The following ACVR2B variants were observed in gnomAD, a reference collection of about 807,000 sequenced individuals.
ACVR2B encodes activin A receptor type 2B, also known as activin receptor type-2B.
A neutral mutation model predicts 65.1 loss-of-function variants in ACVR2B; 18 were observed. The observed-to-expected ratio is 0.28, with a 90% CI of 0.19 to 0.41. ACVR2B has a LOEUF of 0.41. Ranked by LOEUF, ACVR2B falls within the 10% of genes least tolerant of loss-of-function variation. The pLI, the probability that ACVR2B is intolerant of heterozygous loss-of-function variation, is 1.00. For synonymous variants in ACVR2B, 298 were observed against 277.7 expected, an observed-to-expected ratio of 1.07 and a Z score of -0.73; for missense variants, 482 against 682.7, an observed-to-expected ratio of 0.71 and a Z score of 3.28.
intron 1 of ACVR2B, 71 bp downstream of exon 1, chr3:38,454,445 T>C: frequency 2.5e-6 from 3 of 1,193,162 alleles, no homozygotes; most frequent in Non-Finnish European, 3.1e-6. Flanking sequence ...GCGCGGTGTT[T>C]ACCAACAAAG....
At chr3:38,472,105 T>C (rs1406313844) in intron 1 of ACVR2B, among the ~76,000 whole-genome samples, 1 of 152,206 alleles carries the variant, frequency 6.6e-6, no homozygotes, top group Non-Finnish European at 1.5e-5. Flanking sequence ...TCAGTGTCTT[T>C]ATCTGTTATA....
At chr3:38,478,325 T>G in intron 4 of ACVR2B, 33 bp downstream of exon 4, 1 of 1,614,042 alleles carries the variant, frequency 6.2e-7, no homozygotes. Context: ...CAGGGCAGGA[T>G]AGAGGTGGGG....
intron 1 of ACVR2B, among the ~76,000 whole-genome samples, chr3:38,463,976 C>T (rs1341275205): frequency 6.6e-6 from 1 of 152,186 alleles, no homozygotes; most frequent in Non-Finnish European, 1.5e-5. Context: ...TATAAAGATA[C>T]CAGTCCTGTT....
intron 1 of ACVR2B, among the ~76,000 whole-genome samples, chr3:38,455,415 G>T (rs1296203034): frequency 6.6e-6 from 1 of 152,148 alleles, no homozygotes; most frequent in Non-Finnish European, 1.5e-5. Flanking sequence ...ATGCAGCGCG[G>T]GTCCCCCGCC....
At position 38,481,202 on chromosome 3, in the gene ACVR2B, G is replaced by A. The variant is rs1160775086; in HGVS notation, c.960-149G>A. ...CCCATGTCGGCGCCTGCAGCTGCCTGCTTGTGCTGCTTCACCTCTGCACCC... is the reference window on the plus strand; with the variant it reads ...CCCATGTCGGCGCCTGCAGCTGCCTACTTGTGCTGCTTCACCTCTGCACCC... On this transcript the variant is annotated intron_variant, in intron 7 of 10. Transcript: ENST00000352511. The surrounding 1 kb of genome is among the most constrained non-coding windows in gnomAD (Gnocchi z 4.7). 4.0e-6 allele frequency: 3 copies of A among 740,778 alleles called. No homozygotes were observed. The highest frequency in any genetic ancestry group is 7.4e-6 in the Non-Finnish European group (3 of 406,654). The allele number at this position is 740,778 out of a possible 1,614,324, so 45.9% of individuals were successfully genotyped here.
chr3:38,478,485 T>C lies in ACVR2B; in HGVS notation c.633T>C (p.Asn211=). The change falls in exon 5 of 11, where the codon AAT becomes AAC. Residue 211 remains asparagine (N), a synonymous_variant. Coordinates refer to ENST00000352511, the MANE Select transcript of ACVR2B (RefSeq NM_001106.4). ...GTGTCTGGAAGGCCCAGCTCATGAATGACTTTGTAGCTGTCAAGATCTTCC... is the reference window on the plus strand; with the variant it reads ...GTGTCTGGAAGGCCCAGCTCATGAACGACTTTGTAGCTGTCAAGATCTTCC... ...FGCVWKAQLM[N]DFVAVKIFPL... The C allele has an allele frequency of 6.2e-7, 1 of 1,614,136 alleles. No homozygotes were observed. The highest frequency in any genetic ancestry group is 1.1e-5 in the South Asian group (1 of 91,082).
intron 1 of ACVR2B, among the ~76,000 whole-genome samples, chr3:38,465,975 A>G (rs951218052): frequency 6.6e-6 from 1 of 152,276 alleles, no homozygotes; most frequent in Non-Finnish European, 1.5e-5. Context: ...CTCAATAGAA[A>G]CAGTGGAAGC....
chr3:38,468,379 G>T (rs1313301339), intron 1 of ACVR2B, among the ~76,000 whole-genome samples: 2 of 152,140 alleles, frequency 1.3e-5, no homozygotes, highest in Non-Finnish European at 2.9e-5. Flanking sequence ...AGTCAAGGGG[G>T]TTGAGAACTA....
Position 38,489,452 on chromosome 3 carries a change from A to G in ACVR2B, c.*6120A>G, listed in dbSNP as rs546278029. 1 of 152,708 alleles carries G rather than the reference A, an allele frequency of 6.5e-6. No homozygotes were observed. Among genetic ancestry groups the G allele is most frequent in the South Asian group, 2.1e-4 (1 of 4,824 alleles). The allele number at this position is 152,708 out of a possible 1,614,324, so 9.5% of individuals were successfully genotyped here. On this transcript the variant is annotated 3_prime_UTR_variant, in exon 11 of 11. Coordinates refer to ENST00000352511, the MANE Select transcript of ACVR2B (RefSeq NM_001106.4). ...GAACTTTTACTTAGTGTTTATATGGATTCTTGTGATACACTGGCAGACTGG... is the reference window on the plus strand; with the variant it reads ...GAACTTTTACTTAGTGTTTATATGGGTTCTTGTGATACACTGGCAGACTGG...
In ACVR2B at chr3:38,489,869, A is replaced by G. The variant is rs1430190905; in HGVS notation, c.*6537A>G. ...ATTACCCAGTTAAGTAATTGTTCAG[A>G]AAAGTGGGGAGGGTGGCATGTGGAT... On this transcript the variant is annotated 3_prime_UTR_variant, in exon 11 of 11. Transcript: ENST00000352511. 1 of 152,204 alleles carries G rather than the reference A, an allele frequency of 6.6e-6. No individual in the cohort carries two copies. Among genetic ancestry groups the G allele is most frequent in the Non-Finnish European group, 1.5e-5 (1 of 68,034 alleles). The allele number at this position is 152,204 out of a possible 1,614,324, so 9.4% of individuals were successfully genotyped here. A position where few individuals can be genotyped will look rare whatever the true frequency, so the allele number is the denominator to read the frequency against.
chr3:38,492,796 ACACACACATACACCT>A lies in ACVR2B; in HGVS notation c.*9465_*9479del, dbSNP rs2059822775. On this transcript the variant is annotated 3_prime_UTR_variant, in exon 11 of 11. Coordinates refer to ENST00000352511, the MANE Select transcript of ACVR2B (RefSeq NM_001106.4). ...CACACACACACACACACACACACAC[ACACACACATACACCT>A]AAAATGGCCTAAAGCAGACATCCAT... 1 of 71,720 alleles carries A rather than the reference ACACACACATACACCT, an allele frequency of 1.4e-5. No individual in the cohort carries two copies. The allele number at this position is 71,720 out of a possible 1,614,324, so 4.4% of individuals were successfully genotyped here.
At chr3:38,465,406 A>G (rs1709711900) in intron 1 of ACVR2B, among the ~76,000 whole-genome samples, 1 of 151,946 alleles carries the variant, frequency 6.6e-6, no homozygotes, top group Admixed American at 6.6e-5. Flanking sequence ...TCAAAAAAAA[A>G]AAAAAAAAAA....
Position 38,454,134 on chromosome 3 carries a change from C to T in ACVR2B, c.-189C>T. On this transcript the variant is annotated 5_prime_UTR_variant, in exon 1 of 11. Coordinates refer to ENST00000352511, the MANE Select transcript of ACVR2B (RefSeq NM_001106.4). The stretch of plus-strand genomic sequence containing the variant: ...GCGCCGCCCGCAGCGGCCCTGAGCC[C>T]GGCCCCGCCGACCGGCCCTTGGAGC... 4.0e-6 allele frequency: 1 copy of T among 250,912 alleles called. No individual in the cohort carries two copies. Among genetic ancestry groups the T allele is most frequent in the Non-Finnish European group, 6.6e-6 (1 of 151,264 alleles). 15.5% of individuals were successfully genotyped at this position (250,912 alleles called of 1,614,324 possible). A position where few individuals can be genotyped will look rare whatever the true frequency, so the allele number is the denominator to read the frequency against.
rs1176114858 is a variant in ACVR2B, at chr3:38,484,690, C to T, written c.*1358C>T. ...TTTTTTCAAACAAAACACACACATC[C>T]ACATATACACATGCTTCGCTATGTG... On this transcript the variant is annotated 3_prime_UTR_variant, in exon 11 of 11. Coordinates refer to ENST00000352511, the MANE Select transcript of ACVR2B (RefSeq NM_001106.4). The T allele has an allele frequency of 6.6e-6, 1 of 152,534 alleles. No individual in the cohort carries two copies. The highest frequency in any genetic ancestry group is 1.5e-5 in the Non-Finnish European group (1 of 68,026). 9.4% of individuals were successfully genotyped at this position (152,534 alleles called of 1,614,324 possible).
intron 1 of ACVR2B, among the ~76,000 whole-genome samples, chr3:38,460,201 A>G (rs531096326): frequency 6.6e-6 from 1 of 152,134 alleles, no homozygotes; most frequent in East Asian, 1.9e-4. Flanking sequence ...CTCCGGTTCT[A>G]TCACTAATTC....
Position 38,460,398 on chromosome 3 carries a change from C to A in ACVR2B, c.52+6024C>A, listed in dbSNP as rs528333439. Among the ~76,000 whole-genome samples, 7 of 152,296 alleles carry A rather than the reference C, an allele frequency of 4.6e-5. No individual in the cohort carries two copies. The South Asian group carries it at 1.5e-3, about 32-fold the overall frequency. On this transcript the variant is annotated intron_variant, in intron 1 of 10. Coordinates refer to ENST00000352511, the MANE Select transcript of ACVR2B (RefSeq NM_001106.4). ...CTGCTGCCTTCTTCTGACTCTATTA[C>A]ATTGCTCAGTGATGTCTCTGACTAA...
chr3:38,479,195 T>C lies in ACVR2B; in HGVS notation c.734T>C (p.Leu245Pro). 6.2e-7 allele frequency: 1 copy of C among 1,614,194 alleles called. No homozygotes were observed. The highest frequency in any genetic ancestry group is 8.5e-7 in the Non-Finnish European group (1 of 1,180,030). Residue 245 changes from leucine (L) to proline (P), a missense_variant, in exon 6 of 11, where the codon CTA becomes CCA. Leu to Pro is a moderately conservative substitution (Grantham distance 98, BLOSUM62 -3). This residue lies in a region of ACVR2B where 223 missense variants were observed against 386.3 expected (regional missense o/e 0.58). Coordinates refer to ENST00000352511, the MANE Select transcript of ACVR2B (RefSeq NM_001106.4). ...CCTGGCATGAAGCACGAGAACCTGC[T>C]ACAGTTCATTGCTGCCGAGAAGCGA... Reference protein sequence around the residue: ...STPGMKHENLLQFIAAEKRGS... With the variant: ...STPGMKHENLPQFIAAEKRGS...
chr3:38,492,823 A>C lies in ACVR2B; in HGVS notation c.*9491A>C, dbSNP rs2125734593. 6.6e-6 allele frequency: 1 copy of C among 151,118 alleles called. No homozygotes were observed. Among genetic ancestry groups the C allele is most frequent in the Non-Finnish European group, 1.5e-5 (1 of 67,790 alleles). The allele number at this position is 151,118 out of a possible 1,614,324, so 9.4% of individuals were successfully genotyped here. Reference sequence around the variant, plus strand: ...ACACACATACACCTAAAATGGCCTAAAGCAGACATCCATGTAATTACAGTT... The same window carrying C: ...ACACACATACACCTAAAATGGCCTACAGCAGACATCCATGTAATTACAGTT... On this transcript the variant is annotated 3_prime_UTR_variant, in exon 11 of 11. Transcript: ENST00000352511.
rs889020586 is a variant in ACVR2B at position 38,488,572 on chromosome 3, A to C, written c.*5240A>C. The C allele has an allele frequency of 9.9e-5, 15 of 152,190 alleles. No homozygotes were observed. The highest frequency in any genetic ancestry group is 1.6e-4 in the Non-Finnish European group (11 of 68,030). 9.4% of individuals were successfully genotyped at this position (152,190 alleles called of 1,614,324 possible). A position where few individuals can be genotyped will look rare whatever the true frequency, so the allele number is the denominator to read the frequency against. ...GTCCACTGTAAACTTTGGTTCAAAA[A>C]AGAATTTGAATTTAAAGAATTTACC... On this transcript the variant is annotated 3_prime_UTR_variant, in exon 11 of 11. Coordinates refer to ENST00000352511, the MANE Select transcript of ACVR2B (RefSeq NM_001106.4).
Sources: gnomAD v4.1 joint callset for allele counts (sites outside exome capture counted in the v4.1 genomes callset) on GRCh38, gnomAD v4.1.1 for gene constraint, gnomAD v4.1.1 regional missense constraint, Gnocchi (gnomAD v3.1) non-coding constraint, MANE v1.5 for transcripts, NCBI Gene and HGNC (gene_info 2026-07-23, HGNC 2026-07-21) for gene names.